PCNX2: variants seen among roughly 807,000 people sequenced by gnomAD.
PCNX2 encodes pecanex 2.
Under a neutral mutation model 223.8 loss-of-function variants are expected in PCNX2, and 168 were observed. That is an observed-to-expected ratio of 0.75 (90% CI 0.66 to 0.85). The LOEUF is 0.85. Among genes scored for constraint, PCNX2 ranks in the 40% least tolerant of loss-of-function variants. The probability of loss-of-function intolerance (pLI) is 0.00; values close to 1 mark genes in which losing one functional copy is unlikely to be tolerated. For missense variants in PCNX2, 2,507 were observed against 2,675.5 expected, an observed-to-expected ratio of 0.94 and a Z score of 1.39; for synonymous variants, 1,006 against 1,052.6, an observed-to-expected ratio of 0.96 and a Z score of 0.86.
At chr1:233,144,953 GT>G (rs71173252) in intron 19 of PCNX2, among the ~76,000 whole-genome samples, 43,342 of 136,678 alleles carry the variant, frequency 0.32, 7,123 homozygotes, top group South Asian at 0.45. Context: ...TTGTTGTTTT[GT>G]TTTTTTTTTT....
chr1:233,001,559 C>T lies in PCNX2; in HGVS notation c.5075G>A (p.Arg1692Lys). 6.8e-7 allele frequency: 1 copy of T among 1,465,846 alleles called. No homozygotes were observed. Among genetic ancestry groups the T allele is most frequent in the Non-Finnish European group, 9.1e-7 (1 of 1,097,188 alleles). 90.8% of individuals were successfully genotyped at this position (1,465,846 alleles called of 1,614,324 possible). A position where few individuals can be genotyped will look rare whatever the true frequency, so the allele number is the denominator to read the frequency against. The change falls in exon 29 of 34, where the codon AGG becomes AAG. Residue 1692 changes from arginine (R) to lysine (K), a missense_variant. Arg to Lys is a conservative substitution (Grantham distance 26). Transcript: ENST00000258229. The surrounding 1 kb of genome is among the most constrained non-coding windows in gnomAD (Gnocchi z 4.2). ...LLHKVVAPAIRMSLKLHQDQF... is the reference protein window; with the variant it reads ...LLHKVVAPAIKMSLKLHQDQF... ...TACCTGGTGAAGTTTCAGGGACATC[C>T]TGATAGCTGGAGCTACAACTTTATG...
chr1:233,016,446 C>G (rs1045868145), intron 27 of PCNX2, among the ~76,000 whole-genome samples: 9 of 152,202 alleles, frequency 5.9e-5, no homozygotes, highest in Admixed American at 2.0e-4. Context: ...GCAGGATTCA[C>G]TTCCAGAAGT....
rs144020595 is a variant in PCNX2, at chr1:233,176,241, C to A, written c.3273+1561G>T. Among the ~76,000 whole-genome samples the A allele has an allele frequency of 4.0e-3, 603 of 152,284 alleles. 1 individual carries two copies. Among genetic ancestry groups the A allele is most frequent in the Non-Finnish European group, 6.4e-3 (433 of 68,016 alleles). ...TGTTTGTAAGTTGATACCAAAGAAA[C>A]GACATCTGCTAAAAGAACTTTTGAA... On this transcript the variant is annotated intron_variant, in intron 17 of 33. Transcript: ENST00000258229.
chr1:233,156,670 C>A (rs1164769136), intron 19 of PCNX2, among the ~76,000 whole-genome samples: 1 of 152,152 alleles, frequency 6.6e-6, no homozygotes, highest in Non-Finnish European at 1.5e-5. Flanking sequence ...GTAATCCCAG[C>A]ACTTTGGGAG....
Position 233,262,996 on chromosome 1 carries a change from C to G in PCNX2, c.321G>C (p.Glu107Asp). 6.2e-7 allele frequency: 1 copy of G among 1,613,664 alleles called. No homozygotes were observed. The highest frequency in any genetic ancestry group is 8.5e-7 in the Non-Finnish European group (1 of 1,179,798). ...RKEEKPNKDKEAKGEHITNHR... is the reference protein window; with the variant it reads ...RKEEKPNKDKDAKGEHITNHR... Reference sequence around the variant, plus strand: ...GATTAGTTATGTGTTCACCTTTGGCCTCCTTGTCTTTATTTGGCTTTTCTT... The same window carrying G: ...GATTAGTTATGTGTTCACCTTTGGCGTCCTTGTCTTTATTTGGCTTTTCTT... The change falls in exon 2 of 34, where the codon GAG (glutamate) becomes GAC (aspartate). Residue 107 changes from glutamate to aspartate, a missense_variant. Transcript: ENST00000258229.
At chr1:233,127,389 C>T (rs1185178986) in intron 21 of PCNX2, among the ~76,000 whole-genome samples, 2 of 152,114 alleles carry the variant, frequency 1.3e-5, no homozygotes, top group African/African-American at 2.4e-5. Context: ...GCTTCCTCTG[C>T]GTAACTCACT....
Position 233,214,017 on chromosome 1 carries a change from C to T in PCNX2, c.2691+3882G>A, listed in dbSNP as rs544408904. On this transcript the variant is annotated intron_variant, in intron 12 of 33. Transcript: ENST00000258229. ...CTAATTTTTGTATTTTTAGTAGAGA[C>T]GGGGTTTCACCACCTTGGCCAGCCT... Among the ~76,000 whole-genome samples the T allele has an allele frequency of 4.6e-5, 7 of 151,596 alleles. No homozygotes were observed. The South Asian group carries it at 1.0e-3, about 23-fold the overall frequency.
At chr1:233,287,651 C>T (rs990965125) in intron 1 of PCNX2, among the ~76,000 whole-genome samples, 2 of 152,152 alleles carry the variant, frequency 1.3e-5, no homozygotes, top group Non-Finnish European at 2.9e-5. Context: ...ATAAACTACC[C>T]AGTCTTGGGT....
At chr1:233,246,023 G>A (rs986803935) in intron 8 of PCNX2, among the ~76,000 whole-genome samples, 4 of 150,602 alleles carry the variant, frequency 2.7e-5, no homozygotes, top group Non-Finnish European at 4.4e-5. Context: ...GGAAAAAAAC[G>A]GAAAATCCTA....
In PCNX2 at chr1:233,119,403, C is replaced by CAAAAAAAAAAAAAAAAAA. The variant is rs71173251; in HGVS notation, c.3837+15592_3837+15609dup. Among the ~76,000 whole-genome samples the CAAAAAAAAAAAAAAAAAA allele has an allele frequency of 1.8e-4, 7 of 38,630 alleles. 1 individual carries two copies. Among genetic ancestry groups the CAAAAAAAAAAAAAAAAAA allele is most frequent in the African/African-American group, 3.4e-4 (3 of 8,776 alleles). 25.3% of individuals were successfully genotyped at this position (38,630 alleles called of 152,430 possible). On this transcript the variant is annotated intron_variant, in intron 21 of 33. Transcript: ENST00000258229. ...TGAAACCCCGTCTCTACTAAAAATA[C>CAAAAAAAAAAAAAAAAAA]AAAAAAAAAAAAAAAAAAAAAAAAA...
chr1:233,258,802 C>A lies in PCNX2; in HGVS notation c.1060G>T (p.Val354Leu), dbSNP rs1387260382. Residue 354 changes from valine to leucine, a missense_variant, in exon 5 of 34, where the codon GTA becomes TTA. Coordinates refer to ENST00000258229, the MANE Select transcript of PCNX2 (RefSeq NM_014801.4). ...HQEVDSSDSE[V>L]AVTLIDTSQP... ...GAAGTATCGATGAGAGTAACAGCTA[C>A]CTCACTATCTGAGGAGTCCACTTCC... 6.2e-7 allele frequency: 1 copy of A among 1,613,864 alleles called. No individual in the cohort carries two copies. The highest frequency in any genetic ancestry group is 8.5e-7 in the Non-Finnish European group (1 of 1,179,826).
At chr1:233,322,216 T>C in the PCNX2 span, among the ~76,000 whole-genome samples, 1 of 152,186 alleles carries the variant, frequency 6.6e-6, no homozygotes, top group South Asian at 2.1e-4. Flanking sequence ...CACCATCTGT[T>C]TAAATATACA....
At chr1:233,255,779 A>G (rs1261522639) in intron 5 of PCNX2, among the ~76,000 whole-genome samples, 1 of 152,184 alleles carries the variant, frequency 6.6e-6, no homozygotes, top group Non-Finnish European at 1.5e-5. Flanking sequence ...AAGATTAGAG[A>G]ACATTTCCTA....
At chr1:233,225,431 T>G (rs540706230) in intron 10 of PCNX2, among the ~76,000 whole-genome samples, 1 of 152,102 alleles carries the variant, frequency 6.6e-6, no homozygotes, top group Non-Finnish European at 1.5e-5. Flanking sequence ...CACTAATAAG[T>G]AGTAGGGACC....
intron 5 of PCNX2, among the ~76,000 whole-genome samples, chr1:233,255,527 A>C (rs1659689356): frequency 6.6e-6 from 1 of 152,172 alleles, no homozygotes; most frequent in African/African-American, 2.4e-5. Context: ...TATTTCCACA[A>C]AGTAAAATAA....
chr1:233,267,456 C>A (rs1044820705), intron 1 of PCNX2, among the ~76,000 whole-genome samples: 5 of 152,114 alleles, frequency 3.3e-5, no homozygotes, highest in Non-Finnish European at 7.3e-5. Flanking sequence ...ACCGTCACCA[C>A]CATCCATCTC....
the PCNX2 span, among the ~76,000 whole-genome samples, chr1:233,305,612 A>G: frequency 6.6e-6 from 1 of 152,040 alleles, no homozygotes; most frequent in South Asian, 2.1e-4. Context: ...CGCCCAGCTA[A>G]TTTTTATAAT....
At chr1:233,098,838 C>T (rs761574907) in intron 21 of PCNX2, among the ~76,000 whole-genome samples, 1 of 152,122 alleles carries the variant, frequency 6.6e-6, no homozygotes, top group Non-Finnish European at 1.5e-5. Context: ...TATAAAATGG[C>T]GATGATAATA....
chr1:233,262,861 C>T, intron 2 of PCNX2, 97 bp downstream of exon 2: 1 of 1,109,712 alleles, frequency 9.0e-7, no homozygotes, highest in Non-Finnish European at 1.3e-6. Flanking sequence ...TTTCTGTCTG[C>T]CTATACTAGT....
Sources: gnomAD v4.1 joint callset for allele counts (sites outside exome capture counted in the v4.1 genomes callset) on GRCh38, gnomAD v4.1.1 for gene constraint, Gnocchi (gnomAD v3.1) non-coding constraint, MANE v1.5 for transcripts, NCBI Gene and HGNC (gene_info 2026-07-23, HGNC 2026-07-21) for gene names.